The following RBFOX1 variants were observed in gnomAD, a reference collection of about 807,000 sequenced individuals.
RBFOX1 encodes the protein RNA binding fox-1 homolog 1.
In RBFOX1, 8 loss-of-function variants were observed where a neutral mutation model predicts 57.7. That is an observed-to-expected ratio of 0.14 (90% CI 0.08 to 0.25). RBFOX1 has a LOEUF of 0.25. Among genes scored for constraint, RBFOX1 ranks in the 10% least tolerant of loss-of-function variants. The probability of loss-of-function intolerance (pLI) is 1.00; values close to 1 mark genes in which losing one functional copy is unlikely to be tolerated. For missense variants in RBFOX1, 611 were observed against 548.5 expected (o/e 1.11, Z -1.14); for synonymous variants, 326 against 222.4 (o/e 1.47, Z -4.15).
chr16:5,827,491 C>A (rs1471774768), intron 3 of RBFOX1, among the ~76,000 whole-genome samples: 1 of 151,870 alleles, frequency 6.6e-6, no homozygotes, highest in Non-Finnish European at 1.5e-5. Flanking sequence ...ACTCTCTATG[C>A]ACCCCGAGAA....
chr16:6,136,682 T>G (rs1456698135), intron 1 of RBFOX1, among the ~76,000 whole-genome samples: 1 of 152,182 alleles, frequency 6.6e-6, no homozygotes, highest in South Asian at 2.1e-4. Context: ...AATGATGATG[T>G]GTTTTATTCA....
intron 4 of RBFOX1, among the ~76,000 whole-genome samples, chr16:7,486,629 C>G (rs751526515): frequency 6.6e-6 from 1 of 152,066 alleles, no homozygotes; most frequent in Non-Finnish European, 1.5e-5. Context: ...GTTCACATGA[C>G]GAGCTCATTT....
intron 1 of RBFOX1, among the ~76,000 whole-genome samples, chr16:6,256,203 GTATA>G (rs1243022140): frequency 2.4e-5 from 1 of 41,206 alleles, no homozygotes; most frequent in African/African-American, 7.4e-5. Flanking sequence ...ATATGTATAT[GTATA>G]TGTGTATATA....
At chr16:7,258,239 A>G (rs1199269004) in intron 4 of RBFOX1, among the ~76,000 whole-genome samples, 2 of 152,172 alleles carry the variant, frequency 1.3e-5, no homozygotes, top group Admixed American at 1.3e-4. Context: ...TCTTAAATGC[A>G]TTTTCAGTTC....
intron 4 of RBFOX1, among the ~76,000 whole-genome samples, chr16:7,485,769 A>C (rs959299288): frequency 2.5e-4 from 38 of 152,336 alleles, no homozygotes; most frequent in African/African-American, 8.4e-4. Context: ...TCATGTCTGA[A>C]TATTACATCC....
intron 3 of RBFOX1, among the ~76,000 whole-genome samples, chr16:5,618,295 G>C (rs1176372983): frequency 6.6e-6 from 1 of 151,874 alleles, no homozygotes; most frequent in Non-Finnish European, 1.5e-5. Flanking sequence ...CATGAGTCCA[G>C]ATTCATCCAA....
chr16:5,342,837 TG>T (rs1213899962), intron 1 of RBFOX1, among the ~76,000 whole-genome samples: 5 of 152,172 alleles, frequency 3.3e-5, no homozygotes, highest in African/African-American at 1.2e-4. Context: ...GACATGTGAC[TG>T]TTTTTCCGCA....
chr16:5,731,732 T>C (rs1376522552), intron 3 of RBFOX1, among the ~76,000 whole-genome samples: 2 of 152,160 alleles, frequency 1.3e-5, no homozygotes, highest in Non-Finnish European at 2.9e-5. Context: ...AGAAGAAATG[T>C]GGGTAGGGAG....
chr16:6,863,917 C>G (rs1836305853), intron 3 of RBFOX1, among the ~76,000 whole-genome samples: 1 of 151,366 alleles, frequency 6.6e-6, no homozygotes, highest in South Asian at 2.1e-4. Flanking sequence ...CCATTTGTTT[C>G]CTTCACACTT....
At chr16:7,523,076 G>A (rs979518536) in intron 5 of RBFOX1, among the ~76,000 whole-genome samples, 2 of 152,096 alleles carry the variant, frequency 1.3e-5, no homozygotes, top group African/African-American at 4.8e-5. Context: ...TTTTATATCA[G>A]TAACCTCAAA....
At chr16:6,297,398 A>T (rs1457794206) in intron 1 of RBFOX1, among the ~76,000 whole-genome samples, 2 of 145,426 alleles carry the variant, frequency 1.4e-5, no homozygotes, top group Non-Finnish European at 3.0e-5. Context: ...ATAGGCTCTC[A>T]TGGATCTGCT....
chr16:6,756,479 C>G (rs939821114), intron 3 of RBFOX1, among the ~76,000 whole-genome samples: 1 of 152,170 alleles, frequency 6.6e-6, no homozygotes, highest in Admixed American at 6.5e-5. Flanking sequence ...CTATATTAGA[C>G]TAAACAGCTT....
At chr16:7,215,997 A>G (rs539629594) in intron 4 of RBFOX1, among the ~76,000 whole-genome samples, 65 of 152,118 alleles carry the variant, frequency 4.3e-4, no homozygotes, top group Non-Finnish European at 8.4e-4. Flanking sequence ...TGCTGAGATT[A>G]CAGGCGTGAG....
At chr16:7,225,118 C>A (rs886581511) in intron 4 of RBFOX1, among the ~76,000 whole-genome samples, 1 of 152,192 alleles carries the variant, frequency 6.6e-6, no homozygotes, top group African/African-American at 2.4e-5. Context: ...GGCTTATCAT[C>A]ATCATCATCA....
At chr16:6,481,278 C>T (rs574408571) in intron 2 of RBFOX1, among the ~76,000 whole-genome samples, 64 of 152,284 alleles carry the variant, frequency 4.2e-4, no homozygotes, top group African/African-American at 1.5e-3. Context: ...TGTGGGCCTT[C>T]ATGTCCCTTT....
intron 3 of RBFOX1, among the ~76,000 whole-genome samples, chr16:5,677,566 C>A (rs747309072): frequency 2.0e-5 from 3 of 152,148 alleles, no homozygotes; most frequent in Non-Finnish European, 4.4e-5. Context: ...CGGACCAATC[C>A]ATATTAAACA....
At chr16:6,909,600 T>C (rs2071026536) in intron 3 of RBFOX1, among the ~76,000 whole-genome samples, 1 of 152,218 alleles carries the variant, frequency 6.6e-6, no homozygotes, top group Non-Finnish European at 1.5e-5. Context: ...GAGGGACATG[T>C]AATCTCCCCA....
In RBFOX1 at chr16:7,311,848, A is replaced by C. The variant is rs137984214; in HGVS notation, c.28-206299A>C. Among the ~76,000 whole-genome samples, 488 of 152,344 alleles carry C rather than the reference A, an allele frequency of 3.2e-3. 5 individuals are homozygous for C. Among genetic ancestry groups the C allele is most frequent in the African/African-American group, 0.011 (470 of 41,586 alleles). ...CGATAGTGTTTCTGAAGTTATATGT[A>C]GGACAGAAGTCATGAGCTGAAGGCT... On this transcript the variant is annotated intron_variant, in intron 4 of 15. Transcript: ENST00000550418.
At chr16:6,431,909 C>CTTTCTT (rs1467798907) in intron 2 of RBFOX1, among the ~76,000 whole-genome samples, 2 of 115,030 alleles carry the variant, frequency 1.7e-5, no homozygotes, top group Non-Finnish European at 4.0e-5. Context: ...TTCTTTCTTT[C>CTTTCTT]TTTCTTTCTT....
Sources: allele counts gnomAD v4.1 joint callset (sites outside exome capture counted in the v4.1 genomes callset), GRCh38; gene constraint gnomAD v4.1.1; transcripts MANE v1.5; gene names NCBI Gene and HGNC (gene_info 2026-07-23, HGNC 2026-07-21).